HDAC7: variants seen among roughly 807,000 people sequenced by gnomAD.
HDAC7 encodes the protein histone deacetylase 7, also known as histone deacetylase 7A.
In HDAC7, 26 loss-of-function variants were observed where a neutral mutation model predicts 115.5. That is an observed-to-expected ratio of 0.23 (90% CI 0.16 to 0.31). The LOEUF (loss-of-function observed/expected upper bound fraction) is 0.31, where lower values mean the gene tolerates loss of function less well. Among genes scored for constraint, HDAC7 ranks in the 10% least tolerant of loss-of-function variants. The pLI is 1.00. For missense variants in HDAC7, 1,068 were observed against 1,329.0 expected (o/e 0.80, Z 3.05); for synonymous variants, 564 against 550.9 (o/e 1.02, Z -0.33).
At chr12:47,789,484 C>A in intron 18 of HDAC7, 39 bp downstream of exon 18, 2 of 1,609,078 alleles carry the variant, frequency 1.2e-6, no homozygotes, top group Non-Finnish European at 1.7e-6. Context: ...GGGGGCTTGC[C>A]CCCCACCTCA....
intron 1 of HDAC7, chr12:47,802,530 C>G: frequency 6.5e-7 from 1 of 1,534,860 alleles, no homozygotes; most frequent in Non-Finnish European, 8.8e-7. Flanking sequence ...ACTCAGACTA[C>G]AGCAAGAACC....
At position 47,797,560 on chromosome 12, in the gene HDAC7, G is replaced by A; in HGVS notation, c.462-61C>T. On this transcript the variant is annotated intron_variant, in intron 5 of 25. Transcript: ENST00000080059. The surrounding 1 kb of genome is among the most constrained non-coding windows in gnomAD (Gnocchi z 5.5). ...GGGGACACTGCACGGGCACTGCCCTGAGCACGGGCCCTGGGACCTGAGGGG... is the reference window on the plus strand; with the variant it reads ...GGGGACACTGCACGGGCACTGCCCTAAGCACGGGCCCTGGGACCTGAGGGG... The A allele has an allele frequency of 7.8e-7, 1 of 1,283,870 alleles. No individual in the cohort carries two copies. Among genetic ancestry groups the A allele is most frequent in the Non-Finnish European group, 1.1e-6 (1 of 911,478 alleles). The allele number at this position is 1,283,870 out of a possible 1,614,324, so 79.5% of individuals were successfully genotyped here.
Position 47,793,273 on chromosome 12 carries a change from TG to T in HDAC7, c.1678+95del. 2 of 918,982 alleles carry T rather than the reference TG, an allele frequency of 2.2e-6. No individual in the cohort carries two copies. Among genetic ancestry groups the T allele is most frequent in the Non-Finnish European group, 3.2e-6 (2 of 624,584 alleles). The allele number at this position is 918,982 out of a possible 1,614,324, so 56.9% of individuals were successfully genotyped here. A position where few individuals can be genotyped will look rare whatever the true frequency, so the allele number is the denominator to read the frequency against. On this transcript the variant is annotated intron_variant, in intron 13 of 25. Transcript: ENST00000080059. This position sits in a 1 kb window ranked among gnomAD's most constrained non-coding sequence, Gnocchi z 4.5. ...GGGCCTAACAAGGCTAAGCACTCTG[TG>T]GCCTCTAAAAATGTCCCAAGTGACA...
At chr12:47,785,257 G>C (rs1208313463) in intron 24 of HDAC7, 130 bp downstream of exon 24, 2 of 750,978 alleles carry the variant, frequency 2.7e-6, no homozygotes, top group Non-Finnish European at 4.5e-6. Flanking sequence ...TCACTCACAG[G>C]AATCTTACTC....
Position 47,784,100 on chromosome 12 carries a change from ACAG to A in HDAC7, c.2906_2908del (p.Ser969_Val970delinsLeu). 1 of 1,613,688 alleles carries A rather than the reference ACAG, an allele frequency of 6.2e-7. No homozygotes were observed. The highest frequency in any genetic ancestry group is 1.1e-5 in the South Asian group (1 of 91,048). On this transcript the variant is annotated inframe_deletion, in exon 25 of 26. Transcript: ENST00000080059. ...TTACCTATCTTCAGCCAGGATGCCC[ACAG>A]AGAGGGACGCCAGTGCGGTCACTGC...
rs372497352 is a variant in HDAC7, at chr12:47,784,111, C to T, written c.2898G>A (p.Ala966=). The T allele has an allele frequency of 6.4e-5, 104 of 1,613,806 alleles. No homozygotes were observed. The highest frequency in any genetic ancestry group is 2.7e-4 in the Admixed American group (16 of 60,004). Reference sequence around the variant, plus strand: ...CAGCCAGGATGCCCACAGAGAGGGACGCCAGTGCGGTCACTGCCTCCACTT... The same window carrying T: ...CAGCCAGGATGCCCACAGAGAGGGATGCCAGTGCGGTCACTGCCTCCACTT... ...KEEVEAVTAL[A]SLSVGILAED... is the part of the protein sequence containing the mutation. The change falls in exon 25 of 26, where the codon GCG becomes GCA. Residue 966 remains alanine (A), a synonymous_variant. Coordinates refer to ENST00000080059, the MANE Select transcript of HDAC7 (RefSeq NM_015401.5).
At chr12:47,792,154 T>C (rs373453734) in intron 13 of HDAC7, 150 bp from the exon 14 acceptor site, 26 of 863,378 alleles carry the variant, frequency 3.0e-5, no homozygotes, top group East Asian at 1.6e-4. Context: ...CTGCATTTCA[T>C]CCTGCCCCTA....
In HDAC7 at chr12:47,795,395, G is replaced by T. The variant is rs1320751658; in HGVS notation, c.1088-15C>A. On this transcript the variant is annotated splice_polypyrimidine_tract_variant and intron_variant, in intron 10 of 25. Coordinates refer to ENST00000080059, the MANE Select transcript of HDAC7 (RefSeq NM_015401.5). The surrounding 1 kb of genome is among the most constrained non-coding windows in gnomAD (Gnocchi z 4.3). Reference sequence around the variant, plus strand: ...AAGCCCGGGCACTGGAAAGAATCGGGGGGTGGAATAAGGAGGGAACCACAG... The same window carrying T: ...AAGCCCGGGCACTGGAAAGAATCGGTGGGTGGAATAAGGAGGGAACCACAG... The T allele has an allele frequency of 6.4e-6, 10 of 1,571,660 alleles. No individual in the cohort carries two copies. The highest frequency in any genetic ancestry group is 8.6e-7 in the Non-Finnish European group (1 of 1,157,722).
intron 13 of HDAC7, 107 bp from the exon 14 acceptor site, chr12:47,792,111 G>C: frequency 7.4e-7 from 1 of 1,350,928 alleles, no homozygotes; most frequent in African/African-American, 1.5e-5. Context: ...ACATGGAGCC[G>C]GGCGGGTACA....
intron 1 of HDAC7, among the ~76,000 whole-genome samples, chr12:47,818,225 C>A (rs1225697148): frequency 2.6e-5 from 4 of 152,102 alleles, no homozygotes; most frequent in African/African-American, 9.7e-5. Flanking sequence ...GAACACTGCA[C>A]CAGGACCATT....
Position 47,795,532 on chromosome 12 carries a change from G to T in HDAC7, c.1087+55C>A. On this transcript the variant is annotated intron_variant, in intron 10 of 25. Transcript: ENST00000080059. This position sits in a 1 kb window ranked among gnomAD's most constrained non-coding sequence, Gnocchi z 4.3. ...GAAGGATGGGTCCATCCCAAGCTTG[G>T]CTCTTAGCAGGGTGCAGGGACCCAG... The T allele has an allele frequency of 6.6e-7, 1 of 1,524,336 alleles. No individual in the cohort carries two copies. Among genetic ancestry groups the T allele is most frequent in the Admixed American group, 2.0e-5 (1 of 50,772 alleles). 94.4% of individuals were successfully genotyped at this position (1,524,336 alleles called of 1,614,324 possible).
At chr12:47,801,997 G>A (rs1413302552) in intron 2 of HDAC7, among the ~76,000 whole-genome samples, 1 of 152,136 alleles carries the variant, frequency 6.6e-6, no homozygotes, top group Non-Finnish European at 1.5e-5. Flanking sequence ...CGGGCATCCT[G>A]TGTTTCCTTT....
At chr12:47,785,020 G>C (rs1943090320) in intron 24 of HDAC7, 1 of 577,276 alleles carries the variant, frequency 1.7e-6, no homozygotes, top group Non-Finnish European at 3.1e-6. Flanking sequence ...AGCCAGCAGA[G>C]CTCCTGAGAC....
chr12:47,816,252 G>A (rs1185480406), intron 1 of HDAC7, among the ~76,000 whole-genome samples: 2 of 151,950 alleles, frequency 1.3e-5, no homozygotes, highest in African/African-American at 4.8e-5. Flanking sequence ...CCAGGAACCC[G>A]CATTTGAGAA....
At chr12:47,808,872 A>G (rs575480835) in intron 1 of HDAC7, among the ~76,000 whole-genome samples, 1 of 152,210 alleles carries the variant, frequency 6.6e-6, no homozygotes. Context: ...CCTCAAAGAC[A>G]TAAGTTCCAC....
intron 1 of HDAC7, among the ~76,000 whole-genome samples, chr12:47,816,038 C>T (rs1212045693): frequency 5.3e-5 from 8 of 151,834 alleles, no homozygotes; most frequent in Admixed American, 6.6e-5. Flanking sequence ...ATTACAGGCG[C>T]GCACGCCACA....
At position 47,795,917 on chromosome 12, in the gene HDAC7, C is replaced by T. The variant is rs1333733486; in HGVS notation, c.895G>A (p.Ala299Thr). 10 of 1,549,522 alleles carry T rather than the reference C, an allele frequency of 6.5e-6. No individual in the cohort carries two copies. The highest frequency in any genetic ancestry group is 1.2e-5 in the South Asian group (1 of 84,144). ...LLPAITLGLP[A>T]PARADSDRRT... ...CCCCAGCCACTCACCCTGGCAGGGG[C>T]GGGCAGCCCCAGAGTGATTGCGGGC... Residue 299 changes from alanine to threonine, a missense_variant, in exon 9 of 26, where the codon GCC (alanine) becomes ACC (threonine). Physicochemically the swap from Ala to Thr is moderately conservative, Grantham distance 58. Transcript: ENST00000080059. This position sits in a 1 kb window ranked among gnomAD's most constrained non-coding sequence, Gnocchi z 4.3.
chr12:47,791,801 G>GCCCCCCCCCCCCCCCCCCCCCCTCACTCC, intron 14 of HDAC7, 70 bp downstream of exon 14: 1 of 1,511,074 alleles, frequency 6.6e-7, no homozygotes, highest in Admixed American at 2.0e-5. Flanking sequence ...GGGCCCCAGG[G>GCCCCCCCCCCCCCCCCCCCCCCTCACTCC]CCCCCCACCC....
chr12:47,787,933 CAGAG>C lies in HDAC7; in HGVS notation c.2355+108_2355+111del, dbSNP rs1265277182. The C allele has an allele frequency of 1.9e-6, 3 of 1,557,084 alleles. No homozygotes were observed. The South Asian group carries it at 3.5e-5, about 18-fold the overall frequency. ...ATTTCCAGGTGGGGAAGTTTAGGAT[CAGAG>C]AGGCTCAGCAGTCTGCCCAGGATCA... On this transcript the variant is annotated intron_variant, in intron 20 of 25. Transcript: ENST00000080059.
Sources: gnomAD v4.1 joint callset for allele counts (sites outside exome capture counted in the v4.1 genomes callset) on GRCh38, gnomAD v4.1.1 for gene constraint, Gnocchi (gnomAD v3.1) non-coding constraint, MANE v1.5 for transcripts, NCBI Gene and HGNC (gene_info 2026-07-23, HGNC 2026-07-21) for gene names.